The following TNR variants were observed in gnomAD, a reference collection of about 807,000 sequenced individuals.
TNR encodes the protein tenascin-R.
TNR carries 45 observed loss-of-function variants against 150.4 expected under a neutral mutation model. That is an observed-to-expected ratio of 0.30 (90% CI 0.24 to 0.38). The LOEUF (loss-of-function observed/expected upper bound fraction) is 0.38. Ranked by LOEUF, TNR falls within the 10% of genes least tolerant of loss-of-function variation. TNR has a pLI of 1.00. For missense variants in TNR, 1,544 were observed against 1,759.1 expected (o/e 0.88, Z 2.19); for synonymous variants, 687 against 678.4 (o/e 1.01, Z -0.20).
intron 1 of TNR, among the ~76,000 whole-genome samples, chr1:175,534,666 T>C (rs1336125448): frequency 3.3e-5 from 5 of 152,216 alleles, no homozygotes; most frequent in Admixed American, 3.3e-4. Flanking sequence ...TTGAGATCTG[T>C]GGGACAGCTG....
chr1:175,604,838 A>G (rs1663360336), intron 1 of TNR, among the ~76,000 whole-genome samples: 2 of 152,196 alleles, frequency 1.3e-5, no homozygotes, highest in Admixed American at 6.5e-5. Context: ...CCAGGGCAAC[A>G]TGACCACCTA....
chr1:175,395,179 G>A (rs923519905), intron 5 of TNR, among the ~76,000 whole-genome samples: 24 of 152,232 alleles, frequency 1.6e-4, no homozygotes, highest in African/African-American at 5.5e-4. Flanking sequence ...AAAGCAAGGG[G>A]ACAAGATGAC....
chr1:175,691,852 C>T, intron 1 of TNR, among the ~76,000 whole-genome samples: 1 of 152,190 alleles, frequency 6.6e-6, no homozygotes, highest in Admixed American at 6.5e-5. Flanking sequence ...CATTCCGTTT[C>T]AGGAGGGCTA....
intron 1 of TNR, among the ~76,000 whole-genome samples, chr1:175,592,697 C>A (rs1332741852): frequency 6.6e-6 from 1 of 152,242 alleles, no homozygotes; most frequent in Non-Finnish European, 1.5e-5. Flanking sequence ...GAGGAGGCAA[C>A]TGAAGTTCAC....
intron 9 of TNR, among the ~76,000 whole-genome samples, chr1:175,371,326 G>A (rs1275485131): frequency 2.6e-5 from 4 of 152,126 alleles, no homozygotes; most frequent in Non-Finnish European, 4.4e-5. Context: ...TCAACTTGGA[G>A]GTTGATGCTT....
chr1:175,519,011 T>C (rs1659526228), intron 2 of TNR, among the ~76,000 whole-genome samples: 1 of 152,224 alleles, frequency 6.6e-6, no homozygotes, highest in African/African-American at 2.4e-5. Context: ...AATTCCCTTC[T>C]TTTCTTCCAC....
chr1:175,343,975 C>T (rs1553205941), intron 18 of TNR, among the ~76,000 whole-genome samples: 2 of 152,088 alleles, frequency 1.3e-5, no homozygotes, highest in Non-Finnish European at 1.5e-5. Flanking sequence ...AATGCACAAA[C>T]AAAGTAACAC....
rs557301293 is a variant in TNR at position 175,452,911 on chromosome 1, A to G, written c.-63-46134T>C. ...GATTCTGACACATGCTACAACATGG[A>G]TGAACCGTGAAGTCATTATGTGGAG... On this transcript the variant is annotated intron_variant, in intron 2 of 22. Transcript: ENST00000367674. Among the ~76,000 whole-genome samples the G allele has an allele frequency of 4.6e-5, 7 of 152,300 alleles. No individual in the cohort carries two copies. The East Asian group carries it at 9.7e-4, about 21-fold the overall frequency.
chr1:175,719,191 C>A (rs920885613), intron 1 of TNR, among the ~76,000 whole-genome samples: 2 of 152,192 alleles, frequency 1.3e-5, no homozygotes, highest in African/African-American at 4.8e-5. Flanking sequence ...ATATGGAGTA[C>A]CCCAAGCCTC....
At chr1:175,640,118 C>T (rs996811153) in intron 1 of TNR, among the ~76,000 whole-genome samples, 3 of 152,348 alleles carry the variant, frequency 2.0e-5, no homozygotes, top group Non-Finnish European at 4.4e-5. Context: ...TGGAAGGTGA[C>T]ATGAGTAAAT....
At chr1:175,645,532 C>A (rs369368748) in intron 1 of TNR, among the ~76,000 whole-genome samples, 1 of 152,100 alleles carries the variant, frequency 6.6e-6, no homozygotes, top group Non-Finnish European at 1.5e-5. Context: ...GAACATTGAA[C>A]GACATAATGG....
At chr1:175,717,916 C>T (rs1667195802) in intron 1 of TNR, among the ~76,000 whole-genome samples, 1 of 152,112 alleles carries the variant, frequency 6.6e-6, no homozygotes, top group South Asian at 2.1e-4. Context: ...TCGAGAAAGC[C>T]AGCTTCCCCC....
chr1:175,382,832 C>T (rs191116164), intron 8 of TNR, among the ~76,000 whole-genome samples: 8 of 150,082 alleles, frequency 5.3e-5, no homozygotes, highest in East Asian at 2.0e-4. Context: ...ACCTGGGAGG[C>T]GGAGGTTGCA....
At chr1:175,389,587 T>C (rs1224323295) in intron 7 of TNR, among the ~76,000 whole-genome samples, 1 of 152,208 alleles carries the variant, frequency 6.6e-6, no homozygotes, top group Non-Finnish European at 1.5e-5. Context: ...AACCTAAGCG[T>C]AAAAACAGAC....
rs548350409 is a variant in TNR at position 175,422,663 on chromosome 1, C to A, written c.-63-15886G>T. Among the ~76,000 whole-genome samples, 7 of 152,202 alleles carry A rather than the reference C, an allele frequency of 4.6e-5. No homozygotes were observed. The East Asian group carries it at 5.8e-4, about 13-fold the overall frequency. The stretch of plus-strand genomic sequence containing the variant: ...TAGCTCCAGGATTGTAGGTCTCCCC[C>A]CTAACCCCAGTTTCTCTTGATTACA... On this transcript the variant is annotated intron_variant, in intron 2 of 22. Transcript: ENST00000367674.
chr1:175,563,256 A>G (rs1661501881), intron 1 of TNR, among the ~76,000 whole-genome samples: 1 of 152,246 alleles, frequency 6.6e-6, no homozygotes, highest in Non-Finnish European at 1.5e-5. Flanking sequence ...GAATGGAGAA[A>G]GCCAGTAAAA....
chr1:175,625,936 C>T (rs1664139417), intron 1 of TNR, among the ~76,000 whole-genome samples: 1 of 150,632 alleles, frequency 6.6e-6, no homozygotes, highest in Admixed American at 6.6e-5. Context: ...AATTGTATCT[C>T]CCAGAATTCC....
At chr1:175,593,017 G>T (rs72725459) in intron 1 of TNR, among the ~76,000 whole-genome samples, 3,160 of 152,234 alleles carry the variant, frequency 0.021, 45 homozygotes, top group Non-Finnish European at 0.033. Context: ...TTGGTCATGG[G>T]AGGAAGAAAG....
At chr1:175,451,540 C>T (rs1656320111) in intron 2 of TNR, among the ~76,000 whole-genome samples, 1 of 151,920 alleles carries the variant, frequency 6.6e-6, no homozygotes, top group Non-Finnish European at 1.5e-5. Context: ...GCAGGGGAAG[C>T]CTCAGTTACA....
Sources: allele counts gnomAD v4.1 joint callset (sites outside exome capture counted in the v4.1 genomes callset), GRCh38; gene constraint gnomAD v4.1.1; transcripts MANE v1.5; gene names NCBI Gene and HGNC (gene_info 2026-07-23, HGNC 2026-07-21).